RNFT2: variants seen among roughly 807,000 people sequenced by gnomAD.
RNFT2 encodes the protein E3 ubiquitin-protein ligase RNFT2.
RNFT2 carries 36 observed loss-of-function variants against 53.0 expected under a neutral mutation model. That is an observed-to-expected ratio of 0.68 (90% CI 0.52 to 0.90). The LOEUF (loss-of-function observed/expected upper bound fraction) is 0.90. RNFT2 is among the 40% of genes least tolerant of loss of function. The pLI is 0.00. For synonymous variants in RNFT2, 260 were observed against 253.2 expected, an observed-to-expected ratio of 1.03 and a Z score of -0.26; for missense variants, 514 against 585.6, an observed-to-expected ratio of 0.88 and a Z score of 1.26.
intron 5 of RNFT2, among the ~76,000 whole-genome samples, chr12:116,758,995 A>G (rs1321160896): frequency 6.6e-6 from 1 of 152,068 alleles, no homozygotes; most frequent in Non-Finnish European, 1.5e-5. Flanking sequence ...AACACTGATT[A>G]TTCTTAGGTT....
At chr12:116,832,148 A>AATATATATATATATATATAT (rs1555209703) in intron 7 of RNFT2, among the ~76,000 whole-genome samples, 15 of 55,166 alleles carry the variant, frequency 2.7e-4, no homozygotes, top group Admixed American at 8.0e-4. Context: ...AAAAAAAAAA[A>AATATATATATATATATATAT]ATATATATAT....
intron 7 of RNFT2, among the ~76,000 whole-genome samples, chr12:116,788,183 T>A (rs1874024597): frequency 6.6e-6 from 1 of 152,228 alleles, no homozygotes. Context: ...TGCTTTGGCC[T>A]CCCAAAGTGC....
chr12:116,838,606 TCAGTG>T (rs1255902174), intron 10 of RNFT2, among the ~76,000 whole-genome samples: 1 of 152,214 alleles, frequency 6.6e-6, no homozygotes, highest in Non-Finnish European at 1.5e-5. Flanking sequence ...AAACGGTATC[TCAGTG>T]CAGTTTTAAT....
chr12:116,851,659 T>G lies in RNFT2; in HGVS notation c.*2211T>G. ...GGAGGCTAAGGCAGGGAGAACTGCT[T>G]GAACTCGGGAGGTGAAAGTTGCAGT... On this transcript the variant is annotated 3_prime_UTR_variant, in exon 11 of 11. Coordinates refer to ENST00000257575, the MANE Select transcript of RNFT2 (RefSeq NM_001382266.1). 3 of 631,034 alleles carry G rather than the reference T, an allele frequency of 4.8e-6. No individual in the cohort carries two copies. Among genetic ancestry groups the G allele is most frequent in the Non-Finnish European group, 5.6e-6 (2 of 355,220 alleles). The allele number at this position is 631,034 out of a possible 1,614,324, so 39.1% of individuals were successfully genotyped here.
chr12:116,851,965 A>T lies in RNFT2; in HGVS notation c.*2517A>T. On this transcript the variant is annotated 3_prime_UTR_variant, in exon 11 of 11. Transcript: ENST00000257575. ...GGTAGCCTTCAGAGCAAACAGGACA[A>T]CCTATGTTATGGATGTTTCCACCAA... The T allele has an allele frequency of 6.6e-7, 1 of 1,512,310 alleles. No homozygotes were observed. The highest frequency in any genetic ancestry group is 2.4e-5 in the East Asian group (1 of 40,846). The allele number at this position is 1,512,310 out of a possible 1,614,324, so 93.7% of individuals were successfully genotyped here. A position where few individuals can be genotyped will look rare whatever the true frequency, so the allele number is the denominator to read the frequency against.
intron 10 of RNFT2, among the ~76,000 whole-genome samples, chr12:116,838,876 A>C (rs1419049062): frequency 6.6e-6 from 1 of 152,220 alleles, no homozygotes; most frequent in Non-Finnish European, 1.5e-5. Context: ...AGCTGTACCC[A>C]GTGCTGGTTG....
intron 3 of RNFT2, among the ~76,000 whole-genome samples, chr12:116,746,918 T>C (rs1233099749): frequency 2.0e-5 from 3 of 152,186 alleles, no homozygotes; most frequent in Non-Finnish European, 2.9e-5. Flanking sequence ...ACGGATATGA[T>C]AATATGCAGC....
At chr12:116,745,557 G>A (rs1871856899) in intron 3 of RNFT2, among the ~76,000 whole-genome samples, 1 of 152,128 alleles carries the variant, frequency 6.6e-6, no homozygotes, top group African/African-American at 2.4e-5. Flanking sequence ...CACCATGCCT[G>A]GCCTCACTAG....
intron 7 of RNFT2, among the ~76,000 whole-genome samples, chr12:116,804,926 C>T (rs114098968): frequency 0.01 from 1,537 of 152,224 alleles, 15 homozygotes; most frequent in African/African-American, 0.034. Flanking sequence ...ACGATTACAC[C>T]ACTGCACTCC....
chr12:116,799,326 G>A (rs74328007), intron 7 of RNFT2, among the ~76,000 whole-genome samples: 6,089 of 152,274 alleles, frequency 0.04, 268 homozygotes, highest in East Asian at 0.14. Flanking sequence ...AAGGGCTTAG[G>A]TGATTAAATT....
At chr12:116,761,219 G>A (rs1872681496) in intron 5 of RNFT2, among the ~76,000 whole-genome samples, 1 of 152,098 alleles carries the variant, frequency 6.6e-6, no homozygotes, top group African/African-American at 2.4e-5. Context: ...CATGATCTTG[G>A]CGCACTGTAA....
chr12:116,786,182 C>T (rs2054848850), intron 7 of RNFT2, among the ~76,000 whole-genome samples: 1 of 149,938 alleles, frequency 6.7e-6, no homozygotes, highest in Non-Finnish European at 1.5e-5. Context: ...AGTGCAATGG[C>T]GTGACTTCTG....
intron 6 of RNFT2, among the ~76,000 whole-genome samples, chr12:116,777,143 C>A (rs1873467530): frequency 6.6e-6 from 1 of 151,970 alleles, no homozygotes; most frequent in South Asian, 2.1e-4. Flanking sequence ...GTCTCAAACT[C>A]CTGACCTCAA....
At chr12:116,752,770 C>T (rs887089319) in intron 4 of RNFT2, among the ~76,000 whole-genome samples, 8 of 152,018 alleles carry the variant, frequency 5.3e-5, no homozygotes, top group Admixed American at 1.3e-4. Flanking sequence ...CCCAGCTACT[C>T]GGGAGGCTGA....
chr12:116,780,586 T>C (rs1287106897), intron 7 of RNFT2, among the ~76,000 whole-genome samples: 2 of 150,850 alleles, frequency 1.3e-5, no homozygotes, highest in African/African-American at 4.9e-5. Context: ...TGAGCCAAAA[T>C]CCTAGGCTGT....
At chr12:116,798,123 A>G (rs922962184) in intron 7 of RNFT2, among the ~76,000 whole-genome samples, 1 of 152,068 alleles carries the variant, frequency 6.6e-6, no homozygotes, top group Non-Finnish European at 1.5e-5. Context: ...GAGATTTGGA[A>G]CACTGACAGG....
chr12:116,783,179 T>A lies in RNFT2; in HGVS notation c.882+3831T>A, dbSNP rs140759713. On this transcript the variant is annotated intron_variant, in intron 7 of 10. Transcript: ENST00000257575. ...AGACAAAGACATTGAGGCTCAGAGA[T>A]CCCCTCATAGACACTTGTCAGAATG... Among the ~76,000 whole-genome samples the A allele has an allele frequency of 5.5e-4, 84 of 152,286 alleles. 3 individuals are homozygous for A. In the East Asian group the frequency reaches 0.016, roughly 29 times the overall value.
At position 116,849,678 on chromosome 12, in the gene RNFT2, T is replaced by C; in HGVS notation, c.*230T>C. ...TCCCCTGCAAAAGGGGACGTCTTCC[T>C]AACTCAGACTTGATGCCCTTCTAGA... On this transcript the variant is annotated 3_prime_UTR_variant, in exon 11 of 11. Coordinates refer to ENST00000257575, the MANE Select transcript of RNFT2 (RefSeq NM_001382266.1). 2.4e-6 allele frequency: 3 copies of C among 1,264,704 alleles called. No homozygotes were observed. Among genetic ancestry groups the C allele is most frequent in the South Asian group, 3.3e-5 (1 of 30,670 alleles). 78.3% of individuals were successfully genotyped at this position (1,264,704 alleles called of 1,614,324 possible).
At chr12:116,742,021 C>T (rs1871631846) in intron 3 of RNFT2, among the ~76,000 whole-genome samples, 1 of 152,126 alleles carries the variant, frequency 6.6e-6, no homozygotes, top group South Asian at 2.1e-4. Flanking sequence ...CACGGAGAGG[C>T]TAATGACATT....
Sources: allele counts gnomAD v4.1 joint callset (sites outside exome capture counted in the v4.1 genomes callset), GRCh38; gene constraint gnomAD v4.1.1; transcripts MANE v1.5; gene names NCBI Gene and HGNC (gene_info 2026-07-23, HGNC 2026-07-21).